PPIL4: variants seen among roughly 807,000 people sequenced by gnomAD.
PPIL4 encodes the protein peptidylprolyl isomerase like 4.
A neutral mutation model predicts 69.1 loss-of-function variants in PPIL4; 50 were observed. The ratio of observed to expected loss-of-function variants is 0.72; its 90% CI spans 0.58 to 0.92. PPIL4 has a LOEUF of 0.92. Ranked by LOEUF, PPIL4 falls within the 40% of genes least tolerant of loss-of-function variation. PPIL4 has a pLI of 0.00. For synonymous variants in PPIL4, 193 were observed against 191.6 expected, an observed-to-expected ratio of 1.01 and a Z score of -0.06; for missense variants, 480 against 587.9, an observed-to-expected ratio of 0.82 and a Z score of 1.90.
chr6:149,513,428 T>TATATACATAC (rs1554215985), intron 11 of PPIL4, among the ~76,000 whole-genome samples: 1 of 127,052 alleles, frequency 7.9e-6, no homozygotes, highest in African/African-American at 3.2e-5. Context: ...TATATATATA[T>TATATACATAC]ATATATATAT....
In PPIL4 at chr6:149,512,249, T is replaced by A. The variant is rs1459165765; in HGVS notation, c.1133A>T (p.His378Leu). ...DEQAEDSKSSHSHTSKKHKKK... is the reference protein window; with the variant it reads ...DEQAEDSKSSLSHTSKKHKKK... ...CTTGTGTTTTTTACTTGTGTGTGAG[T>A]GACTTGATTTTGAGTCTTCGGCCTG... is the stretch of plus-strand genomic sequence containing the variant. The change falls in exon 12 of 13, where the codon CAC becomes CTC. Residue 378 changes from histidine to leucine, a missense_variant. Transcript: ENST00000253329. 19 of 1,613,194 alleles carry A rather than the reference T, an allele frequency of 1.2e-5. No homozygotes were observed. The Admixed American group carries it at 3.2e-4, about 27-fold the overall frequency.
chr6:149,543,961 T>C (rs1343100834), intron 1 of PPIL4, among the ~76,000 whole-genome samples: 1 of 152,220 alleles, frequency 6.6e-6, no homozygotes, highest in Non-Finnish European at 1.5e-5. Flanking sequence ...GATATGTTGA[T>C]CATAGATTGA....
rs759007666 is a variant in PPIL4 at position 149,514,303 on chromosome 6, C to T, written c.1080-2001G>A. Among the ~76,000 whole-genome samples the T allele has an allele frequency of 4.6e-5, 7 of 152,166 alleles. 1 individual carries two copies. Among genetic ancestry groups the T allele is most frequent in the Non-Finnish European group, 1.0e-4 (7 of 68,028 alleles). ...ACCTATGATTTCATCCTAATGTGTG[C>T]TCTGCACATGCTGCTCCCTCTGTCC... is the stretch of plus-strand genomic sequence containing the variant. On this transcript the variant is annotated intron_variant, in intron 11 of 12. Transcript: ENST00000253329.
chr6:149,541,669 TC>T (rs1777364486), intron 1 of PPIL4, 83 bp from the exon 2 acceptor site: 1 of 779,250 alleles, frequency 1.3e-6, no homozygotes, highest in Non-Finnish European at 2.1e-6. Context: ...AAATGTAATT[TC>T]TAAATTACTA....
Position 149,545,876 on chromosome 6 carries a change from G to C in PPIL4, c.70+60C>G. 2.0e-6 allele frequency: 3 copies of C among 1,471,560 alleles called. No individual in the cohort carries two copies. The South Asian group carries it at 3.6e-5, about 18-fold the overall frequency. The allele number at this position is 1,471,560 out of a possible 1,614,324, so 91.2% of individuals were successfully genotyped here. On this transcript the variant is annotated intron_variant, in intron 1 of 12. Transcript: ENST00000253329. The stretch of plus-strand genomic sequence containing the variant: ...CTCTGCCCTGGACTGCGCAGAGAAG[G>C]GAAAGTAGGGAGACAAGCTCGGGGG...
chr6:149,524,554 A>C (rs1169037443), intron 9 of PPIL4, among the ~76,000 whole-genome samples: 1 of 152,208 alleles, frequency 6.6e-6, no homozygotes, highest in Non-Finnish European at 1.5e-5. Flanking sequence ...TCTCCACTTA[A>C]GTAACAGGGA....
chr6:149,541,958 G>A (rs1777370705), intron 1 of PPIL4, among the ~76,000 whole-genome samples: 1 of 151,956 alleles, frequency 6.6e-6, no homozygotes, highest in Non-Finnish European at 1.5e-5. Context: ...AGGTTGCAGT[G>A]AACCAAGATC....
At chr6:149,527,991 C>T (rs933234159) in intron 7 of PPIL4, among the ~76,000 whole-genome samples, 2 of 152,192 alleles carry the variant, frequency 1.3e-5, no homozygotes, top group African/African-American at 4.8e-5. Flanking sequence ...CATGATAGCT[C>T]ACACCTGTAA....
chr6:149,537,663 G>A (rs1057198426), intron 4 of PPIL4, among the ~76,000 whole-genome samples: 3 of 151,186 alleles, frequency 2.0e-5, no homozygotes, highest in African/African-American at 7.3e-5. Context: ...CAGAGATTGC[G>A]CCACTGCACT....
intron 6 of PPIL4, among the ~76,000 whole-genome samples, chr6:149,534,458 T>C (rs1777244003): frequency 6.6e-6 from 1 of 152,190 alleles, no homozygotes. Flanking sequence ...GAGCTGAGGT[T>C]GTCTCAGTAG....
chr6:149,515,081 G>A (rs1423208581), intron 11 of PPIL4, among the ~76,000 whole-genome samples: 1 of 151,586 alleles, frequency 6.6e-6, no homozygotes, highest in Non-Finnish European at 1.5e-5. Flanking sequence ...CGGGTGATCT[G>A]CCCGCCTCGG....
chr6:149,510,657 G>A (rs556604478), intron 12 of PPIL4, among the ~76,000 whole-genome samples: 80 of 152,054 alleles, frequency 5.3e-4, no homozygotes, highest in Middle Eastern at 3.4e-3. Context: ...CAGGAGAATC[G>A]CTTGAACCCA....
chr6:149,536,431 A>G (rs1777276467), intron 4 of PPIL4, among the ~76,000 whole-genome samples: 1 of 152,240 alleles, frequency 6.6e-6, no homozygotes, highest in African/African-American at 2.4e-5. Flanking sequence ...AGTACCAAAC[A>G]ATAGCTGAGT....
At chr6:149,512,735 T>C (rs1287697317) in intron 11 of PPIL4, among the ~76,000 whole-genome samples, 1 of 152,128 alleles carries the variant, frequency 6.6e-6, no homozygotes, top group Admixed American at 6.6e-5. Flanking sequence ...AGTTATCATG[T>C]TTAAATTCTT....
chr6:149,524,410 A>T (rs1411969833), intron 9 of PPIL4, among the ~76,000 whole-genome samples: 1 of 152,244 alleles, frequency 6.6e-6, no homozygotes, highest in Non-Finnish European at 1.5e-5. Context: ...AGTTTTATTT[A>T]TAAGAAGGTA....
intron 12 of PPIL4, among the ~76,000 whole-genome samples, chr6:149,510,384 A>T (rs1776826014): frequency 6.6e-6 from 1 of 152,234 alleles, no homozygotes; most frequent in Admixed American, 6.5e-5. Flanking sequence ...CTTTGGAAAC[A>T]GTTTTTAAAA....
chr6:149,544,720 G>A (rs1777413001), intron 1 of PPIL4, among the ~76,000 whole-genome samples: 1 of 152,196 alleles, frequency 6.6e-6, no homozygotes, highest in African/African-American at 2.4e-5. Context: ...TAGTGGAGAA[G>A]AATATTGTTT....
chr6:149,519,441 C>T (rs895311785), intron 10 of PPIL4, among the ~76,000 whole-genome samples: 2 of 152,194 alleles, frequency 1.3e-5, no homozygotes, highest in Admixed American at 1.3e-4. Context: ...AATATACTTA[C>T]TGGAATCTTT....
rs528109768 is a variant in PPIL4 at position 149,529,363 on chromosome 6, T to C, written c.679-2587A>G. Among the ~76,000 whole-genome samples the C allele has an allele frequency of 4.9e-5, 7 of 142,252 alleles. No homozygotes were observed. In the East Asian group the frequency reaches 8.5e-4, roughly 17 times the overall value. 93.3% of individuals were successfully genotyped at this position (142,252 alleles called of 152,430 possible). ...GTCCCAGCTACTTGTGAGGCTGAGG[T>C]AGGAGGATTACTTGAGCCCTGGAGG... On this transcript the variant is annotated intron_variant, in intron 7 of 12. Transcript: ENST00000253329.
Sources: gnomAD v4.1 joint callset for allele counts (sites outside exome capture counted in the v4.1 genomes callset) on GRCh38, gnomAD v4.1.1 for gene constraint, MANE v1.5 for transcripts, NCBI Gene and HGNC (gene_info 2026-07-23, HGNC 2026-07-21) for gene names.